Variants in OGFRL1 observed in about 807,000 individuals in gnomAD.
The protein encoded by OGFRL1 is opioid growth factor receptor like 1.
OGFRL1 carries 26 observed loss-of-function variants against 32.4 expected under a neutral mutation model. The observed-to-expected ratio is 0.80, with a 90% CI of 0.59 to 1.11. The LOEUF (loss-of-function observed/expected upper bound fraction) is 1.11. Among genes scored for constraint, OGFRL1 ranks in the 50% most tolerant of loss-of-function variants. The pLI is 0.00. For missense variants in OGFRL1, 521 were observed against 546.4 expected (o/e 0.95, Z 0.46); for synonymous variants, 211 against 201.2 (o/e 1.05, Z -0.41).
Position 71,301,594 on chromosome 6 carries a change from C to T in OGFRL1, c.901C>T (p.Gln301Ter). ...RERRKLLRFA[Q>*]KHYTPSENFI... Reference sequence around the variant, plus strand: ...AAGGAGAAAGCTCCTGCGGTTCGCCCAGAAACACTACACGCCTTCAGAGAA... The same window carrying T: ...AAGGAGAAAGCTCCTGCGGTTCGCCTAGAAACACTACACGCCTTCAGAGAA... Residue 301 changes from glutamine to a stop codon, truncating the protein, a stop_gained, in exon 7 of 7, where the codon CAG becomes TAG. Transcript: ENST00000370435. LOFTEE classifies it low-confidence loss of function (END_TRUNC). 1 of 1,614,128 alleles carries T rather than the reference C, an allele frequency of 6.2e-7. No homozygotes were observed. Among genetic ancestry groups the T allele is most frequent in the South Asian group, 1.1e-5 (1 of 91,076 alleles).
At chr6:71,291,316 C>G (rs771377890) in intron 1 of OGFRL1, 1 of 152,048 alleles carries the variant, frequency 6.6e-6, no homozygotes, top group Non-Finnish European at 1.5e-5. Flanking sequence ...TGTTGGAGTG[C>G]TGAGGACAAA....
chr6:71,296,906 G>T, intron 6 of OGFRL1, 89 bp downstream of exon 6: 11 of 1,412,656 alleles, frequency 7.8e-6, no homozygotes, highest in Non-Finnish European at 1.1e-5. Flanking sequence ...ACAACTAGCA[G>T]ATGAGATGGG....
rs1255630942 is a variant in OGFRL1, at chr6:71,303,872, A to G, written c.*1823A>G. ...GTGATAAGAACTTCAAAGCATATAT[A>G]CAAATATAGTTAAAGCAATGAATAG... is the stretch of plus-strand genomic sequence containing the variant. On this transcript the variant is annotated 3_prime_UTR_variant, in exon 7 of 7. Transcript: ENST00000370435. 6.6e-6 allele frequency: 1 copy of G among 152,218 alleles called. No homozygotes were observed. Among genetic ancestry groups the G allele is most frequent in the Non-Finnish European group, 1.5e-5 (1 of 68,012 alleles). The allele number at this position is 152,218 out of a possible 1,614,324, so 9.4% of individuals were successfully genotyped here.
In OGFRL1 at chr6:71,290,222, GAAAACT is replaced by G. The variant is rs374930537; in HGVS notation, c.234+1053_234+1058del. The stretch of plus-strand genomic sequence containing the variant: ...AGAAAACTGAGGCTTAGAGAGAAAG[GAAAACT>G]TGCCCAAGATCACTGAGGGAGAGGA... On this transcript the variant is annotated intron_variant, in intron 1 of 6. Transcript: ENST00000370435. Among the ~76,000 whole-genome samples, 152 of 152,276 alleles carry G rather than the reference GAAAACT, an allele frequency of 1.0e-3. 1 individual carries two copies. The highest frequency in any genetic ancestry group is 3.6e-3 in the African/African-American group (149 of 41,536).
chr6:71,296,894 G>C (rs1383135510), intron 6 of OGFRL1, 77 bp downstream of exon 6: 4 of 1,502,486 alleles, frequency 2.7e-6, no homozygotes, highest in Non-Finnish European at 9.0e-7. Flanking sequence ...TGAAACGCAG[G>C]AACAACTAGC....
intron 3 of OGFRL1, 71 bp from the exon 4 acceptor site, chr6:71,296,246 G>T: frequency 5.8e-6 from 6 of 1,032,986 alleles, no homozygotes; most frequent in Non-Finnish European, 7.3e-6. Flanking sequence ...TAAAACTCAA[G>T]TGATTCGAAT....
Position 71,303,881 on chromosome 6 carries a change from G to A in OGFRL1, c.*1832G>A, listed in dbSNP as rs1766470266. On this transcript the variant is annotated 3_prime_UTR_variant, in exon 7 of 7. Transcript: ENST00000370435. Reference sequence around the variant, plus strand: ...ACTTCAAAGCATATATACAAATATAGTTAAAGCAATGAATAGATGAAACAT... The same window carrying A: ...ACTTCAAAGCATATATACAAATATAATTAAAGCAATGAATAGATGAAACAT... 1 of 152,102 alleles carries A rather than the reference G, an allele frequency of 6.6e-6. No homozygotes were observed. The highest frequency in any genetic ancestry group is 1.5e-5 in the Non-Finnish European group (1 of 67,978). The allele number at this position is 152,102 out of a possible 1,614,324, so 9.4% of individuals were successfully genotyped here.
At chr6:71,291,141 G>A (rs946779887) in intron 1 of OGFRL1, among the ~76,000 whole-genome samples, 1 of 152,178 alleles carries the variant, frequency 6.6e-6, no homozygotes, top group Non-Finnish European at 1.5e-5. Flanking sequence ...GAGACAGAAA[G>A]TAAACTAAGA....
intron 1 of OGFRL1, chr6:71,291,397 GT>G (rs1160992360): frequency 6.6e-6 from 1 of 152,230 alleles, no homozygotes; most frequent in Non-Finnish European, 1.5e-5. Flanking sequence ...CAATTCTTTG[GT>G]GGTGATTTGC....
In OGFRL1 at chr6:71,302,373, C is replaced by T. The variant is rs979960179; in HGVS notation, c.*324C>T. On this transcript the variant is annotated 3_prime_UTR_variant, in exon 7 of 7. Transcript: ENST00000370435. ...CATGTAGTATTTGGTATACAAAATACATTCTTTTGAGACATTATAGTCTAC... is the reference window on the plus strand; with the variant it reads ...CATGTAGTATTTGGTATACAAAATATATTCTTTTGAGACATTATAGTCTAC... The T allele has an allele frequency of 5.6e-6, 1 of 180,166 alleles. No homozygotes were observed. Among genetic ancestry groups the T allele is most frequent in the South Asian group, 1.9e-4 (1 of 5,384 alleles). The allele number at this position is 180,166 out of a possible 1,614,324, so 11.2% of individuals were successfully genotyped here. A position where few individuals can be genotyped will look rare whatever the true frequency, so the allele number is the denominator to read the frequency against.
chr6:71,294,717 T>C (rs926002266), intron 3 of OGFRL1, among the ~76,000 whole-genome samples: 2 of 152,364 alleles, frequency 1.3e-5, no homozygotes, highest in Admixed American at 1.3e-4. Flanking sequence ...TTACTAATGA[T>C]AGAAATGTGC....
intron 3 of OGFRL1, chr6:71,295,740 T>A (rs1385623965): frequency 6.6e-6 from 1 of 152,276 alleles, no homozygotes; most frequent in Non-Finnish European, 1.5e-5. Context: ...TTTTCTTTTC[T>A]CGTTTTCCTT....
At chr6:71,297,724 A>C (rs1218149559) in intron 6 of OGFRL1, among the ~76,000 whole-genome samples, 1 of 152,012 alleles carries the variant, frequency 6.6e-6, no homozygotes, top group Non-Finnish European at 1.5e-5. Flanking sequence ...CGTTTTGTGC[A>C]TCAGTTAACT....
intron 1 of OGFRL1, chr6:71,289,504 TA>T: frequency 1.0e-6 from 1 of 954,846 alleles, no homozygotes; most frequent in Non-Finnish European, 1.2e-6. Flanking sequence ...GGAACCTGTC[TA>T]AAAATAGAGG....
At chr6:71,294,832 G>A (rs947486941) in intron 3 of OGFRL1, among the ~76,000 whole-genome samples, 3 of 152,068 alleles carry the variant, frequency 2.0e-5, no homozygotes, top group African/African-American at 7.2e-5. Flanking sequence ...GTTAATTTGA[G>A]TCTGATTTGA....
chr6:71,294,097 G>A (rs1303925205), intron 3 of OGFRL1, among the ~76,000 whole-genome samples: 7 of 152,172 alleles, frequency 4.6e-5, no homozygotes, highest in Admixed American at 6.5e-5. Flanking sequence ...ATCCCTGTTT[G>A]GAGTTCCAAT....
rs1207829898 is a variant in OGFRL1, at chr6:71,302,912, T to A, written c.*863T>A. The A allele has an allele frequency of 1.3e-5, 2 of 152,212 alleles. No individual in the cohort carries two copies. The highest frequency in any genetic ancestry group is 2.4e-5 in the African/African-American group (1 of 41,432). The allele number at this position is 152,212 out of a possible 1,614,324, so 9.4% of individuals were successfully genotyped here. A position where few individuals can be genotyped will look rare whatever the true frequency, so the allele number is the denominator to read the frequency against. The stretch of plus-strand genomic sequence containing the variant: ...TGGATGTCCTTGTGGAGCTCTGGCC[T>A]CCCCAGCTTATCTATCAGTCCTGCT... On this transcript the variant is annotated 3_prime_UTR_variant, in exon 7 of 7. Coordinates refer to ENST00000370435, the MANE Select transcript of OGFRL1 (RefSeq NM_024576.5).
chr6:71,289,264 G>T, intron 1 of OGFRL1, 94 bp downstream of exon 1: 1 of 1,014,076 alleles, frequency 9.9e-7, no homozygotes, highest in Non-Finnish European at 1.2e-6. Context: ...GGAGGCCAGG[G>T]GCGCCAGGTG....
chr6:71,293,585 A>C lies in OGFRL1; in HGVS notation c.374A>C (p.Lys125Thr). ...QNDLSNLRFYKNKIPFKPDGV... is the reference protein window; with the variant it reads ...QNDLSNLRFYTNKIPFKPDGV... ...GACTTGAGCAATCTTCGTTTTTATA[A>C]GAATAAAATTCCATTCAAGCCAGAT... is the stretch of plus-strand genomic sequence containing the variant. Residue 125 changes from lysine to threonine, a missense_variant, in exon 3 of 7, where the codon AAG becomes ACG. Coordinates refer to ENST00000370435, the MANE Select transcript of OGFRL1 (RefSeq NM_024576.5). The C allele has an allele frequency of 6.2e-7, 1 of 1,612,352 alleles. No individual in the cohort carries two copies. Among genetic ancestry groups the C allele is most frequent in the Non-Finnish European group, 8.5e-7 (1 of 1,178,712 alleles).
Sources: allele counts gnomAD v4.1 joint callset (sites outside exome capture counted in the v4.1 genomes callset), GRCh38; gene constraint gnomAD v4.1.1; transcripts MANE v1.5; gene names NCBI Gene and HGNC (gene_info 2026-07-23, HGNC 2026-07-21).